The following FKBP5 variants were observed in gnomAD, a reference collection of about 807,000 sequenced individuals.
The protein encoded by FKBP5 is FKBP prolyl isomerase 5.
FKBP5 carries 23 observed loss-of-function variants against 50.5 expected under a neutral mutation model. That is an observed-to-expected ratio of 0.46 (90% CI 0.33 to 0.65). The LOEUF (loss-of-function observed/expected upper bound fraction) is 0.65. Among genes scored for constraint, FKBP5 ranks in the 30% least tolerant of loss-of-function variants. The pLI is 0.02. For missense variants in FKBP5, 411 were observed against 553.1 expected, an observed-to-expected ratio of 0.74 and a Z score of 2.58; for synonymous variants, 176 against 190.6, an observed-to-expected ratio of 0.92 and a Z score of 0.63.
chr6:35,582,098 C>T, intron 8 of FKBP5: 1 of 985,358 alleles, frequency 1.0e-6, no homozygotes, highest in South Asian at 4.7e-5. Context: ...AGCTGGAGGG[C>T]CTGGGTGTGA....
intron 6 of FKBP5, among the ~76,000 whole-genome samples, chr6:35,594,971 T>C (rs1439145204): frequency 6.6e-6 from 1 of 152,090 alleles, no homozygotes; most frequent in African/African-American, 2.4e-5. Context: ...GAGGGTAAAA[T>C]GGAAGAGAAG....
At chr6:35,602,221 T>C (rs901896996) in intron 5 of FKBP5, among the ~76,000 whole-genome samples, 6 of 152,054 alleles carry the variant, frequency 3.9e-5, no homozygotes, top group Non-Finnish European at 7.4e-5. Context: ...CCCTAAACCA[T>C]GCAATTTGTA....
chr6:35,579,490 T>C (rs957961172), intron 9 of FKBP5, among the ~76,000 whole-genome samples: 2 of 152,212 alleles, frequency 1.3e-5, no homozygotes, highest in Non-Finnish European at 2.9e-5. Context: ...ACCACTGTTA[T>C]AGAGTACTGT....
At chr6:35,667,741 C>T (rs7752084) in intron 1 of FKBP5, among the ~76,000 whole-genome samples, 2 of 152,192 alleles carry the variant, frequency 1.3e-5, no homozygotes, top group South Asian at 4.1e-4. Flanking sequence ...ATCAGCCAGG[C>T]GTGGTGGCGG....
chr6:35,582,547 C>T (rs1410007987), intron 8 of FKBP5: 1 of 588,424 alleles, frequency 1.7e-6, no homozygotes, highest in Admixed American at 6.3e-5. Flanking sequence ...TACAAGGAAC[C>T]AGAGGAGAGG....
intron 8 of FKBP5, chr6:35,583,625 T>C (rs1222067794): frequency 4.2e-6 from 4 of 946,536 alleles, no homozygotes; most frequent in Non-Finnish European, 5.0e-6. Flanking sequence ...TTTTTAGTTG[T>C]CATAACTGGG....
chr6:35,628,688 T>C (rs1469926054), intron 3 of FKBP5, among the ~76,000 whole-genome samples: 1 of 152,218 alleles, frequency 6.6e-6, no homozygotes, highest in Non-Finnish European at 1.5e-5. Context: ...TTATTTTTCC[T>C]GTATACCTTT....
chr6:35,617,536 C>T (rs1312507890), intron 5 of FKBP5, among the ~76,000 whole-genome samples: 1 of 152,128 alleles, frequency 6.6e-6, no homozygotes, highest in Non-Finnish European at 1.5e-5. Context: ...AATAATAGTT[C>T]ATGTTCCCAT....
At chr6:35,641,992 C>CAAAATAAAATAAAATAAAAT (rs373570754) in intron 2 of FKBP5, among the ~76,000 whole-genome samples, 49 of 140,406 alleles carry the variant, frequency 3.5e-4, no homozygotes, top group Middle Eastern at 3.5e-3. Context: ...GACTCTGTCT[C>CAAAATAAAATAAAATAAAAT]AAAATAAAAT....
intron 5 of FKBP5, among the ~76,000 whole-genome samples, chr6:35,604,919 G>A (rs1239892831): frequency 5.9e-5 from 9 of 151,790 alleles, no homozygotes; most frequent in Admixed American, 4.6e-4. Flanking sequence ...CAAGTAGCTG[G>A]GACTACAGGC....
chr6:35,644,512 A>C (rs1764577282), intron 1 of FKBP5, among the ~76,000 whole-genome samples: 2 of 152,232 alleles, frequency 1.3e-5, no homozygotes, highest in Non-Finnish European at 2.9e-5. Context: ...GTTGTGCCCC[A>C]AAATCTTCAA....
At chr6:35,646,713 T>C (rs1764640144) in intron 1 of FKBP5, among the ~76,000 whole-genome samples, 3 of 152,180 alleles carry the variant, frequency 2.0e-5, no homozygotes, top group Admixed American at 2.0e-4. Context: ...TGGATATTAA[T>C]CTATGATAAA....
intron 2 of FKBP5, among the ~76,000 whole-genome samples, chr6:35,707,215 CTTTT>C (rs34841223): frequency 1.7e-5 from 2 of 116,928 alleles, no homozygotes; most frequent in African/African-American, 3.4e-5. Context: ...TATGAGAAGA[CTTTT>C]TTTTTTTTTT....
chr6:35,652,321 G>A (rs933304299), intron 1 of FKBP5, among the ~76,000 whole-genome samples: 25 of 152,218 alleles, frequency 1.6e-4, no homozygotes, highest in African/African-American at 5.8e-4. Context: ...ATTGTTCAGG[G>A]AATAAGAGAG....
chr6:35,626,754 G>C (rs1047166136), intron 3 of FKBP5, among the ~76,000 whole-genome samples: 13 of 152,194 alleles, frequency 8.5e-5, no homozygotes, highest in Admixed American at 6.5e-4. Context: ...TTTGTCACTG[G>C]ATTACTTCAC....
At chr6:35,696,144 C>CA (rs60390656) in intron 2 of FKBP5, among the ~76,000 whole-genome samples, 3,751 of 64,166 alleles carry the variant, frequency 0.058, 224 homozygotes, top group African/African-American at 0.13. Flanking sequence ...GACTCTGTCT[C>CA]AAAAAAAAAA....
At chr6:35,654,498 A>G (rs1764894753) in intron 1 of FKBP5, among the ~76,000 whole-genome samples, 1 of 152,152 alleles carries the variant, frequency 6.6e-6, no homozygotes, top group African/African-American at 2.4e-5. Flanking sequence ...TATTCCCCTC[A>G]TTGTCTTTTA....
At chr6:35,603,392 T>C (rs1763205626) in intron 5 of FKBP5, among the ~76,000 whole-genome samples, 1 of 152,214 alleles carries the variant, frequency 6.6e-6, no homozygotes, top group Non-Finnish European at 1.5e-5. Context: ...TATCTTGTAC[T>C]TCTTTTGTGC....
intron 2 of FKBP5, among the ~76,000 whole-genome samples, chr6:35,697,021 T>A (rs1329510791): frequency 1.3e-5 from 2 of 152,154 alleles, no homozygotes; most frequent in African/African-American, 4.8e-5. Context: ...GGAAAACAGT[T>A]TGGCAATCCT....
Sources: allele counts gnomAD v4.1 joint callset (sites outside exome capture counted in the v4.1 genomes callset), GRCh38; gene constraint gnomAD v4.1.1; transcripts MANE v1.5; gene names NCBI Gene and HGNC (gene_info 2026-07-23, HGNC 2026-07-21).